KMT5A: variants seen among roughly 807,000 people sequenced by gnomAD.
KMT5A encodes lysine methyltransferase 5A, also known as N-lysine methyltransferase KMT5A.
KMT5A carries 6 observed loss-of-function variants against 40.6 expected under a neutral mutation model. That is an observed-to-expected ratio of 0.15 (90% CI 0.08 to 0.29). The LOEUF is 0.29. Among genes scored for constraint, KMT5A ranks in the 10% least tolerant of loss-of-function variants. The pLI is 1.00. For missense variants in KMT5A, 308 were observed against 459.1 expected (o/e 0.67, Z 3.01); for synonymous variants, 153 against 178.8 (o/e 0.86, Z 1.15).
At chr12:123,387,473 C>T (rs1172458610) in intron 1 of KMT5A, among the ~76,000 whole-genome samples, 4 of 152,322 alleles carry the variant, frequency 2.6e-5, no homozygotes, top group East Asian at 1.9e-4. Context: ...AAATAGAAGA[C>T]GCTTTCAAAT....
chr12:123,386,566 G>C (rs1025725746), intron 1 of KMT5A, among the ~76,000 whole-genome samples: 2 of 152,122 alleles, frequency 1.3e-5, no homozygotes, highest in Non-Finnish European at 1.5e-5. Context: ...CAAATGAACA[G>C]TCTTTTTCTT....
At chr12:123,392,532 C>T (rs1271127745) in intron 3 of KMT5A, among the ~76,000 whole-genome samples, 1 of 152,074 alleles carries the variant, frequency 6.6e-6, no homozygotes, top group Non-Finnish European at 1.5e-5. Flanking sequence ...GGCATGGTGG[C>T]ATGCATCTGT....
At position 123,400,194 on chromosome 12, in the gene KMT5A, C is replaced by A. The variant is rs767835820; in HGVS notation, c.598-3379C>A. On this transcript the variant is annotated intron_variant, in intron 5 of 7. Coordinates refer to ENST00000402868, the MANE Select transcript of KMT5A (RefSeq NM_020382.7). ...GGGACTACAGGCGCCTGCCACCACG[C>A]CCGGCTAATTTTTGGTGTTTTTAGT... Among the ~76,000 whole-genome samples, 113 of 151,342 alleles carry A rather than the reference C, an allele frequency of 7.5e-4. 2 individuals are homozygous for A. Among genetic ancestry groups the A allele is most frequent in the Admixed American group, 2.8e-3 (42 of 15,166 alleles).
chr12:123,396,291 G>A lies in KMT5A; in HGVS notation c.510-54G>A. On this transcript the variant is annotated intron_variant, in intron 4 of 7. Transcript: ENST00000402868. ...GTGTGTGCCTTCTAAGGAGCTGTGT[G>A]CCTCCAGGTTTTCAGTCCTGATATT... 1.1e-5 allele frequency: 17 copies of A among 1,550,026 alleles called. No individual in the cohort carries two copies. In the South Asian group the frequency reaches 1.9e-4, roughly 17 times the overall value.
intron 5 of KMT5A, among the ~76,000 whole-genome samples, chr12:123,399,563 C>G (rs980672573): frequency 6.6e-6 from 1 of 152,230 alleles, no homozygotes; most frequent in African/African-American, 2.4e-5. Context: ...TGCACACTTG[C>G]AATGAATGGG....
rs1382697592 is a variant in KMT5A at position 123,407,876 on chromosome 12, G to A, written c.*173G>A. ...TGTAGTATTTAAATATCTGTTACAGGTTTCCAAGGTGGACTTGAACAGATG... is the reference window on the plus strand; with the variant it reads ...TGTAGTATTTAAATATCTGTTACAGATTTCCAAGGTGGACTTGAACAGATG... On this transcript the variant is annotated 3_prime_UTR_variant, in exon 8 of 8. Transcript: ENST00000402868. The A allele has an allele frequency of 5.0e-6, 3 of 599,702 alleles. No individual in the cohort carries two copies. Among genetic ancestry groups the A allele is most frequent in the African/African-American group, 1.9e-5 (1 of 53,980 alleles). The allele number at this position is 599,702 out of a possible 1,614,324, so 37.1% of individuals were successfully genotyped here.
rs2139147798 is a variant in KMT5A, at chr12:123,384,348, A to G, written c.10+140A>G. 1.7e-6 allele frequency: 2 copies of G among 1,195,306 alleles called. No individual in the cohort carries two copies. Among genetic ancestry groups the G allele is most frequent in the Non-Finnish European group, 2.3e-6 (2 of 851,248 alleles). 74.0% of individuals were successfully genotyped at this position (1,195,306 alleles called of 1,614,324 possible). A position where few individuals can be genotyped will look rare whatever the true frequency, so the allele number is the denominator to read the frequency against. ...AGCTTGGGGACCCGCGTGGGGGGAG[A>G]GGGGGTGCTGCTGCGGAACCCGCCG... On this transcript the variant is annotated intron_variant, in intron 1 of 7. Coordinates refer to ENST00000402868, the MANE Select transcript of KMT5A (RefSeq NM_020382.7). The surrounding 1 kb of genome is among the most constrained non-coding windows in gnomAD (Gnocchi z 5.7).
rs950846265 is a variant in KMT5A at position 123,395,147 on chromosome 12, A to C, written c.390A>C (p.Gln130His). 1 of 1,610,716 alleles carries C rather than the reference A, an allele frequency of 6.2e-7. No individual in the cohort carries two copies. Among genetic ancestry groups the C allele is most frequent in the East Asian group, 2.2e-5 (1 of 44,846 alleles). Residue 130 changes from glutamine (Q) to histidine (H), a missense_variant, in exon 4 of 8, where the codon CAA becomes CAC. Coordinates refer to ENST00000402868, the MANE Select transcript of KMT5A (RefSeq NM_020382.7). Reference protein sequence around the residue: ...RKGPLVPFPNQKSEAAEPPKT... With the variant: ...RKGPLVPFPNHKSEAAEPPKT... Reference sequence around the variant, plus strand: ...GTCCCCTGGTACCTTTTCCAAACCAAAAATCTGAAGCAGCAGAACCTCCAA... The same window carrying C: ...GTCCCCTGGTACCTTTTCCAAACCACAAATCTGAAGCAGCAGAACCTCCAA...
At chr12:123,406,862 C>G (rs1284137014) in intron 7 of KMT5A, among the ~76,000 whole-genome samples, 1 of 151,564 alleles carries the variant, frequency 6.6e-6, no homozygotes, top group African/African-American at 2.4e-5. Flanking sequence ...ACTAAAAATA[C>G]AAAAAAATTA....
rs917033582 is a variant in KMT5A at position 123,400,158 on chromosome 12, C to A, written c.598-3415C>A. ...TCTTAAAAAATAATTAAAAAGGCCTCCCAAGTAGCTGGGACTACAGGCGCC... is the reference window on the plus strand; with the variant it reads ...TCTTAAAAAATAATTAAAAAGGCCTACCAAGTAGCTGGGACTACAGGCGCC... On this transcript the variant is annotated intron_variant, in intron 5 of 7. Transcript: ENST00000402868. Among the ~76,000 whole-genome samples, 4 of 148,732 alleles carry A rather than the reference C, an allele frequency of 2.7e-5. No homozygotes were observed. The Admixed American group carries it at 2.7e-4, about 10-fold the overall frequency.
chr12:123,400,181 G>A (rs1166475064), intron 5 of KMT5A, among the ~76,000 whole-genome samples: 1 of 151,286 alleles, frequency 6.6e-6, no homozygotes, highest in Non-Finnish European at 1.5e-5. Flanking sequence ...GACTACAGGC[G>A]CCTGCCACCA....
chr12:123,403,973 CT>C (rs1184557743), intron 6 of KMT5A, among the ~76,000 whole-genome samples: 3 of 152,076 alleles, frequency 2.0e-5, no homozygotes, highest in African/African-American at 4.8e-5. Context: ...AATGGAAACC[CT>C]TACCCATTAC....
At chr12:123,404,800 T>A (rs1430826680) in intron 6 of KMT5A, 84 bp from the exon 7 acceptor site, 1 of 1,368,262 alleles carries the variant, frequency 7.3e-7, no homozygotes, top group East Asian at 2.3e-5. Flanking sequence ...AAGACTGGGG[T>A]AAGCCCCAGC....
In KMT5A at chr12:123,384,756, C is replaced by T. The variant is rs534058428; in HGVS notation, c.10+548C>T. Among the ~76,000 whole-genome samples, 1 of 152,374 alleles carries T rather than the reference C, an allele frequency of 6.6e-6. No individual in the cohort carries two copies. Among genetic ancestry groups the T allele is most frequent in the South Asian group, 2.1e-4 (1 of 4,834 alleles). ...GAGCGAAGGCCGGGCCCCGCTGGCC[C>T]ACTTTGGGGTAAAACGGGTTCCTGG... is the stretch of plus-strand genomic sequence containing the variant. On this transcript the variant is annotated intron_variant, in intron 1 of 7. Transcript: ENST00000402868. This position sits in a 1 kb window ranked among gnomAD's most constrained non-coding sequence, Gnocchi z 5.7.
At position 123,384,781 on chromosome 12, in the gene KMT5A, G is replaced by A. The variant is rs1876768091; in HGVS notation, c.10+573G>A. Among the ~76,000 whole-genome samples the A allele has an allele frequency of 6.6e-6, 1 of 152,240 alleles. No individual in the cohort carries two copies. The highest frequency in any genetic ancestry group is 2.1e-4 in the South Asian group (1 of 4,838). On this transcript the variant is annotated intron_variant, in intron 1 of 7. Transcript: ENST00000402868. This position sits in a 1 kb window ranked among gnomAD's most constrained non-coding sequence, Gnocchi z 5.7. ...CACTTTGGGGTAAAACGGGTTCCTG[G>A]CATCTCGCGGGCGCGGTCGTTCGCC...
chr12:123,393,965 G>A (rs2139173332), intron 3 of KMT5A, among the ~76,000 whole-genome samples: 1 of 152,130 alleles, frequency 6.6e-6, no homozygotes, highest in Non-Finnish European at 1.5e-5. Context: ...TAATTCTCTG[G>A]AATAGATGCC....
At chr12:123,401,929 C>G (rs1391937421) in intron 5 of KMT5A, among the ~76,000 whole-genome samples, 1 of 152,160 alleles carries the variant, frequency 6.6e-6, no homozygotes. Flanking sequence ...GTTGCCCAGG[C>G]AGGAGTGCAG....
chr12:123,403,301 C>T lies in KMT5A; in HGVS notation c.598-272C>T, dbSNP rs144338738. On this transcript the variant is annotated intron_variant, in intron 5 of 7. Transcript: ENST00000402868. ...CTGCATGGGCAACAGAACATATCTACGAGCCCCATTCTGTTCTTGGGTCCC... is the reference window on the plus strand; with the variant it reads ...CTGCATGGGCAACAGAACATATCTATGAGCCCCATTCTGTTCTTGGGTCCC... Among the ~76,000 whole-genome samples, 8 of 152,348 alleles carry T rather than the reference C, an allele frequency of 5.3e-5. No homozygotes were observed. In the East Asian group the frequency reaches 7.7e-4, roughly 15 times the overall value.
At chr12:123,390,859 G>A in intron 3 of KMT5A, 73 bp downstream of exon 3, 1 of 1,523,288 alleles carries the variant, frequency 6.6e-7, no homozygotes, top group Admixed American at 1.9e-5. Flanking sequence ...CTGCAAGAAT[G>A]CACATATGTA....
Sources: gnomAD v4.1 joint callset for allele counts (sites outside exome capture counted in the v4.1 genomes callset) on GRCh38, gnomAD v4.1.1 for gene constraint, Gnocchi (gnomAD v3.1) non-coding constraint, MANE v1.5 for transcripts, NCBI Gene and HGNC (gene_info 2026-07-23, HGNC 2026-07-21) for gene names.